The following DPP6 variants were observed in gnomAD, a reference collection of about 807,000 sequenced individuals.
DPP6 encodes the protein dipeptidyl peptidase like 6.
Under a neutral mutation model 122.6 loss-of-function variants are expected in DPP6, and 69 were observed. That is an observed-to-expected ratio of 0.56 (90% CI 0.46 to 0.69). DPP6 has a LOEUF of 0.69. DPP6 is among the 30% of genes least tolerant of loss of function. The pLI is 0.00. For synonymous variants in DPP6, 418 were observed against 433.1 expected (o/e 0.97, Z 0.43); for missense variants, 928 against 1,116.9 (o/e 0.83, Z 2.41).
chr7:154,009,756 G>A (rs1233112383), intron 1 of DPP6, among the ~76,000 whole-genome samples: 1 of 151,220 alleles, frequency 6.6e-6, no homozygotes, highest in Non-Finnish European at 1.5e-5. Context: ...TCCAGAGGCG[G>A]CTGCCACTTT....
At chr7:154,429,551 C>T (rs1305905837) in intron 1 of DPP6, among the ~76,000 whole-genome samples, 1 of 152,236 alleles carries the variant, frequency 6.6e-6, no homozygotes, top group African/African-American at 2.4e-5. Flanking sequence ...GGGTAACACA[C>T]TCAAGAGGCT....
At chr7:153,818,895 G>C in the DPP6 span, among the ~76,000 whole-genome samples, 1 of 151,758 alleles carries the variant, frequency 6.6e-6, no homozygotes, top group South Asian at 2.1e-4. Flanking sequence ...GGGATTACAG[G>C]TGCATGCCAC....
chr7:154,196,936 C>T (rs1798899019), intron 1 of DPP6, among the ~76,000 whole-genome samples: 2 of 152,090 alleles, frequency 1.3e-5, no homozygotes, highest in Admixed American at 1.3e-4. Context: ...CATGACTTTG[C>T]ACCCTGAAAT....
chr7:154,417,299 A>G (rs1817109438), intron 1 of DPP6, among the ~76,000 whole-genome samples: 2 of 152,144 alleles, frequency 1.3e-5, no homozygotes, highest in Admixed American at 1.3e-4. Flanking sequence ...ACTCTCCCAG[A>G]AATCTTAAAA....
chr7:154,865,000 G>A (rs569274954), intron 17 of DPP6, among the ~76,000 whole-genome samples: 7 of 152,310 alleles, frequency 4.6e-5, no homozygotes, highest in African/African-American at 1.7e-4. Context: ...ATCGCACACT[G>A]ACGGCTGAAA....
At chr7:154,482,745 G>A (rs923191853) in intron 3 of DPP6, among the ~76,000 whole-genome samples, 4 of 152,176 alleles carry the variant, frequency 2.6e-5, no homozygotes, top group African/African-American at 9.7e-5. Flanking sequence ...GATATTGAAA[G>A]TTTAGGCTGT....
chr7:154,127,599 A>ACACACG (rs1807988075), intron 1 of DPP6, among the ~76,000 whole-genome samples: 1 of 25,398 alleles, frequency 3.9e-5, no homozygotes, highest in African/African-American at 9.1e-5. Flanking sequence ...GCAGCATCTC[A>ACACACG]CACACACACA....
intron 1 of DPP6, among the ~76,000 whole-genome samples, chr7:154,137,655 G>GGT (rs1563237071): frequency 6.4e-5 from 3 of 46,592 alleles, no homozygotes; most frequent in Non-Finnish European, 1.0e-4. Flanking sequence ...GGGGGTGGGG[G>GGT]GGTGGGGGGG....
At chr7:154,273,497 G>A (rs893616526) in intron 1 of DPP6, among the ~76,000 whole-genome samples, 4 of 152,084 alleles carry the variant, frequency 2.6e-5, no homozygotes, top group Admixed American at 6.5e-5. Context: ...CATATATTGC[G>A]GTGATACACT....
At chr7:153,997,106 A>G (rs1797476727) in intron 1 of DPP6, among the ~76,000 whole-genome samples, 1 of 152,118 alleles carries the variant, frequency 6.6e-6, no homozygotes, top group Non-Finnish European at 1.5e-5. Context: ...ACTTGCTTAT[A>G]TATGTTCACT....
chr7:154,887,820 T>C (rs1806287623), intron 23 of DPP6, 86 bp downstream of exon 23: 2 of 1,474,112 alleles, frequency 1.4e-6, no homozygotes, highest in Non-Finnish European at 1.9e-6. Context: ...TATGGCCCAC[T>C]CTGCCTTCCC....
At chr7:153,964,327 T>C (rs1466041032) in intron 1 of DPP6, among the ~76,000 whole-genome samples, 1 of 152,202 alleles carries the variant, frequency 6.6e-6, no homozygotes, top group Non-Finnish European at 1.5e-5. Context: ...AAAGTTCACC[T>C]GCTCCAGAGT....
At position 154,063,378 on chromosome 7, in the gene DPP6, C is replaced by T. The variant is rs1385490741; in HGVS notation, c.243+10315C>T. Among the ~76,000 whole-genome samples the T allele has an allele frequency of 1.4e-4, 18 of 128,104 alleles. 1 individual carries two copies. The East Asian group carries it at 1.8e-3, about 13-fold the overall frequency. The allele number at this position is 128,104 out of a possible 152,430, so 84.0% of individuals were successfully genotyped here. ...TTGCAGGAGGGTGTGGCACCCCCCACGAGGGTGGGGACTGAGAGCTATCCC... is the reference window on the plus strand; with the variant it reads ...TTGCAGGAGGGTGTGGCACCCCCCATGAGGGTGGGGACTGAGAGCTATCCC... On this transcript the variant is annotated intron_variant, in intron 1 of 25. Coordinates refer to ENST00000377770, the MANE Select transcript of DPP6 (RefSeq NM_130797.4).
chr7:154,072,434 A>G (rs1282228224), intron 1 of DPP6, among the ~76,000 whole-genome samples: 8 of 152,336 alleles, frequency 5.3e-5, no homozygotes, highest in Admixed American at 3.3e-4. Flanking sequence ...GGACTTCTCA[A>G]TAATAGACAG....
intron 6 of DPP6, among the ~76,000 whole-genome samples, chr7:154,658,790 G>A (rs577537634): frequency 1.5e-4 from 23 of 152,356 alleles, no homozygotes; most frequent in East Asian, 9.6e-4. Flanking sequence ...GAGGACAGAC[G>A]TGTCTCACAC....
At chr7:153,823,718 C>G in the DPP6 span, among the ~76,000 whole-genome samples, 6 of 151,690 alleles carry the variant, frequency 4.0e-5, no homozygotes, top group Non-Finnish European at 8.8e-5. Flanking sequence ...ATTGTCGTAG[C>G]CGTTACATGA....
intron 16 of DPP6, among the ~76,000 whole-genome samples, chr7:154,808,387 GA>G (rs753580976): frequency 6.6e-6 from 1 of 152,182 alleles, no homozygotes; most frequent in Non-Finnish European, 1.5e-5. Context: ...ACGGAGGGAT[GA>G]GGGGGGTGCG....
intron 6 of DPP6, among the ~76,000 whole-genome samples, chr7:154,661,010 A>T (rs139784969): frequency 9.3e-5 from 2 of 21,420 alleles, no homozygotes; most frequent in South Asian, 2.8e-3. Context: ...TCACCATGGC[A>T]TATTGGCGCT....
At chr7:153,990,845 T>G (rs1797141665) in intron 1 of DPP6, among the ~76,000 whole-genome samples, 1 of 152,256 alleles carries the variant, frequency 6.6e-6, no homozygotes, top group African/African-American at 2.4e-5. Flanking sequence ...TATTGAGCTT[T>G]AGGAAGAGAA....
Sources: gnomAD v4.1 joint callset for allele counts (sites outside exome capture counted in the v4.1 genomes callset) on GRCh38, gnomAD v4.1.1 for gene constraint, MANE v1.5 for transcripts, NCBI Gene and HGNC (gene_info 2026-07-23, HGNC 2026-07-21) for gene names.